Variants in FGF13 observed in about 807,000 individuals in gnomAD.
FGF13 encodes the protein fibroblast growth factor homologous factor 2.
A neutral mutation model predicts 19.5 loss-of-function variants in FGF13; 2 were observed. The observed-to-expected ratio is 0.10, with a 90% CI of 0.04 to 0.32. FGF13 has a LOEUF of 0.32. Ranked by LOEUF, FGF13 falls within the 10% of genes least tolerant of loss-of-function variation. The probability of loss-of-function intolerance (pLI) is 1.00; values close to 1 mark genes in which losing one functional copy is unlikely to be tolerated. For synonymous variants in FGF13, 72 were observed against 76.9 expected (o/e 0.94, Z 0.33); for missense variants, 113 against 192.7 (o/e 0.59, Z 2.45).
At chrX:138,797,063 G>A (rs1419180405) in intron 3 of FGF13, among the ~76,000 whole-genome samples, 1 of 111,800 alleles carries the variant, frequency 8.9e-6, no homozygotes, top group Non-Finnish European at 1.9e-5. Flanking sequence ...AGTTGAATTA[G>A]GTCCCATCTG....
At chrX:139,120,189 C>T (rs774177203) in intron 1 of FGF13, among the ~76,000 whole-genome samples, 1 of 112,608 alleles carries the variant, frequency 8.9e-6, no homozygotes, top group South Asian at 3.7e-4. Context: ...CCATGGGGAA[C>T]TCTGAGTCAA....
At chrX:138,907,721 A>G (rs180698041) in intron 1 of FGF13, among the ~76,000 whole-genome samples, 4 of 111,352 alleles carry the variant, frequency 3.6e-5, no homozygotes, top group Non-Finnish European at 5.7e-5. Flanking sequence ...TTGGTGATCT[A>G]TTTATTCATG....
At chrX:138,646,413 G>A (rs1481245603) in intron 3 of FGF13, among the ~76,000 whole-genome samples, 2 of 111,587 alleles carry the variant, frequency 1.8e-5, no homozygotes, top group African/African-American at 6.5e-5. Context: ...TTCTGGGGCT[G>A]CAAGACACTG....
At chrX:138,636,753 C>CA (rs1421046062) in intron 3 of FGF13, among the ~76,000 whole-genome samples, 2 of 111,561 alleles carry the variant, frequency 1.8e-5, no homozygotes, top group East Asian at 5.7e-4. Context: ...GTACTATCAC[C>CA]AAAAACATGT....
At chrX:139,149,393 A>G (rs2083915218) in intron 1 of FGF13, among the ~76,000 whole-genome samples, 1 of 112,452 alleles carries the variant, frequency 8.9e-6, no homozygotes, top group Admixed American at 9.5e-5. Flanking sequence ...ACTTTGTTAA[A>G]TGTACATAGG....
At chrX:138,838,489 T>A (rs2091128144) in intron 3 of FGF13, among the ~76,000 whole-genome samples, 1 of 111,699 alleles carries the variant, frequency 9.0e-6, no homozygotes. Context: ...AGAATTGTGG[T>A]TTCCCAGGGT....
intron 1 of FGF13, among the ~76,000 whole-genome samples, chrX:139,026,794 T>C (rs757338938): frequency 4.5e-5 from 5 of 111,918 alleles, no homozygotes; most frequent in Non-Finnish European, 7.5e-5. Context: ...CCAACCAGTG[T>C]TCATTCAGCA....
chrX:138,637,199 A>G (rs748011300), intron 3 of FGF13, among the ~76,000 whole-genome samples: 10 of 112,305 alleles, frequency 8.9e-5, no homozygotes, highest in African/African-American at 3.2e-4. Flanking sequence ...CATGTTAGGA[A>G]CCAAAATGTT....
chrX:138,630,991 T>C lies in FGF13; in HGVS notation c.*1859A>G, dbSNP rs1256808712. ...AGCTCATGTCATTTATTGAATAGTG[T>C]ACTGGAAATAAAAAGCAAAATGGTT... On this transcript the variant is annotated 3_prime_UTR_variant, in exon 5 of 5. Coordinates refer to ENST00000315930, the MANE Select transcript of FGF13 (RefSeq NM_004114.5). 1 of 111,803 alleles carries C rather than the reference T, an allele frequency of 8.9e-6. No homozygotes were observed. The highest frequency in any genetic ancestry group is 1.9e-5 in the Non-Finnish European group (1 of 53,164). 9.2% of individuals were successfully genotyped at this position (111,803 alleles called of 1,213,427 possible).
intron 1 of FGF13, among the ~76,000 whole-genome samples, chrX:138,983,494 AG>A (rs1441988315): frequency 1.9e-5 from 2 of 104,313 alleles, no homozygotes; most frequent in Admixed American, 2.1e-4. Flanking sequence ...CATACCTGTT[AG>A]GATGGCTACT....
At chrX:138,871,323 T>C (rs751134312) in intron 1 of FGF13, among the ~76,000 whole-genome samples, 1 of 112,098 alleles carries the variant, frequency 8.9e-6, no homozygotes, top group East Asian at 2.8e-4. Flanking sequence ...TTATTGGAAA[T>C]CTACTGTATG....
At chrX:139,121,393 T>G (rs7884407) in intron 1 of FGF13, among the ~76,000 whole-genome samples, 24,474 of 109,804 alleles carry the variant, frequency 0.22, 2,825 homozygotes, top group African/African-American at 0.44. Flanking sequence ...ATCCTTCTAG[T>G]CATGTTTAAT....
intron 1 of FGF13, among the ~76,000 whole-genome samples, chrX:138,875,562 G>C (rs2091383781): frequency 8.9e-6 from 1 of 112,166 alleles, no homozygotes; most frequent in African/African-American, 3.2e-5. Context: ...CAGATAGTTG[G>C]TCAAACATTA....
chrX:139,020,267 T>G (rs1350168809), intron 1 of FGF13, among the ~76,000 whole-genome samples: 1 of 111,558 alleles, frequency 9.0e-6, no homozygotes, highest in Non-Finnish European at 1.9e-5. Flanking sequence ...AGACAGAAAT[T>G]TGTAGTTGAG....
chrX:139,161,836 A>T (rs189027731), intron 1 of FGF13, among the ~76,000 whole-genome samples: 1 of 111,876 alleles, frequency 8.9e-6, no homozygotes, highest in East Asian at 2.8e-4. Context: ...CTAGGAATAC[A>T]ACTTAAAGGG....
intron 1 of FGF13, among the ~76,000 whole-genome samples, chrX:138,977,579 C>T (rs757823302): frequency 8.9e-6 from 1 of 112,609 alleles, no homozygotes; most frequent in Non-Finnish European, 1.9e-5. Flanking sequence ...TCTTCATATA[C>T]TTGCTCATGA....
intron 1 of FGF13, among the ~76,000 whole-genome samples, chrX:138,984,736 A>AGG (rs2091986837): frequency 1.8e-4 from 2 of 10,919 alleles, no homozygotes; most frequent in Non-Finnish European, 2.8e-4. Context: ...AGAAGAAGAG[A>AGG]AGGAGGAGGA....
chrX:139,141,948 T>G (rs2083848983), intron 1 of FGF13, among the ~76,000 whole-genome samples: 2 of 111,809 alleles, frequency 1.8e-5, no homozygotes, highest in South Asian at 7.5e-4. Context: ...GGGTTTTGTG[T>G]GCCCTAGGAC....
At chrX:139,041,025 G>A (rs767323917) in intron 1 of FGF13, among the ~76,000 whole-genome samples, 6 of 99,029 alleles carry the variant, frequency 6.1e-5, no homozygotes, top group African/African-American at 1.5e-4. Context: ...TGGACACATC[G>A]GGGGAACAAC....
Sources: gnomAD v4.1 joint callset for allele counts (sites outside exome capture counted in the v4.1 genomes callset) on GRCh38, gnomAD v4.1.1 for gene constraint, MANE v1.5 for transcripts, NCBI Gene and HGNC (gene_info 2026-07-23, HGNC 2026-07-21) for gene names.